NRCAM: variants seen among roughly 807,000 people sequenced by gnomAD.
The protein encoded by NRCAM is neuronal cell adhesion molecule, also known as NgCAM-related cell adhesion molecule.
A neutral mutation model predicts 156.5 loss-of-function variants in NRCAM; 83 were observed. That is an observed-to-expected ratio of 0.53 (90% CI 0.44 to 0.64). The LOEUF (loss-of-function observed/expected upper bound fraction) is 0.64. Among genes scored for constraint, NRCAM ranks in the 30% least tolerant of loss-of-function variants. NRCAM has a pLI of 0.00. For missense variants in NRCAM, 1,417 were observed against 1,597.3 expected (o/e 0.89, Z 1.92); for synonymous variants, 538 against 563.9 (o/e 0.95, Z 0.65).
chr7:108,392,907 G>A (rs2099765184), intron 2 of NRCAM, among the ~76,000 whole-genome samples: 1 of 152,272 alleles, frequency 6.6e-6, no homozygotes, highest in Admixed American at 6.5e-5. Context: ...AAATGTTGCT[G>A]CCTCATCATT....
At chr7:108,448,436 G>A (rs975672602) in intron 1 of NRCAM, among the ~76,000 whole-genome samples, 5 of 152,116 alleles carry the variant, frequency 3.3e-5, no homozygotes, top group African/African-American at 7.2e-5. Flanking sequence ...AGACTATGTC[G>A]AGTCATTTAA....
intron 2 of NRCAM, among the ~76,000 whole-genome samples, chr7:108,331,316 C>T (rs2099124042): frequency 6.6e-6 from 1 of 151,860 alleles, no homozygotes; most frequent in Non-Finnish European, 1.5e-5. Context: ...TAGGAGGATC[C>T]CTTGAGCCCA....
intron 25 of NRCAM, 141 bp from the exon 26 acceptor site, chr7:108,178,253 C>T: frequency 1.3e-6 from 1 of 743,860 alleles, no homozygotes; most frequent in Non-Finnish European, 2.2e-6. Flanking sequence ...TACATTAGTA[C>T]AAACCTGTGA....
chr7:108,233,618 T>C (rs761499457), intron 6 of NRCAM, among the ~76,000 whole-genome samples: 1 of 152,198 alleles, frequency 6.6e-6, no homozygotes, highest in Non-Finnish European at 1.5e-5. Flanking sequence ...TCCATTAACA[T>C]AGCCGAATAT....
chr7:108,180,327 G>C lies in NRCAM; in HGVS notation c.2747C>G (p.Pro916Arg), dbSNP rs377707274. 3.1e-6 allele frequency: 5 copies of C among 1,614,172 alleles called. No individual in the cohort carries two copies. The highest frequency in any genetic ancestry group is 1.7e-6 in the Non-Finnish European group (2 of 1,180,024). The change falls in exon 25 of 33, where the codon CCG becomes CGG. Residue 916 changes from proline (P) to arginine (R), a missense_variant. Physicochemically the swap from Pro to Arg is moderately radical, Grantham distance 103. Transcript: ENST00000379028. ...FQGSKTHGML[P>R]GLEPFSHYTL... ...GTAGTGGCTAAAGGGCTCTAGCCCCGGCAACATGCCATGAGTCTTGCTGCC... is the reference window on the plus strand; with the variant it reads ...GTAGTGGCTAAAGGGCTCTAGCCCCCGCAACATGCCATGAGTCTTGCTGCC...
intron 32 of NRCAM, 125 bp downstream of exon 32, chr7:108,159,338 T>C: frequency 1.2e-6 from 1 of 817,628 alleles, no homozygotes; most frequent in Non-Finnish European, 2.1e-6. Context: ...TACATGGAAG[T>C]ATCCCTAAAC....
At chr7:108,176,897 C>T (rs1321639578) in intron 26 of NRCAM, 8 of 204,100 alleles carry the variant, frequency 3.9e-5, no homozygotes, top group African/African-American at 6.9e-5. Context: ...AATTTTTTCC[C>T]CTGTGTTCTT....
chr7:108,227,758 T>C (rs1336408615), intron 8 of NRCAM, among the ~76,000 whole-genome samples: 1 of 152,212 alleles, frequency 6.6e-6, no homozygotes, highest in Non-Finnish European at 1.5e-5. Context: ...CAGGCCACTA[T>C]GTCTCCTGAC....
intron 1 of NRCAM, among the ~76,000 whole-genome samples, chr7:108,423,767 C>T (rs959138330): frequency 1.3e-5 from 2 of 152,250 alleles, no homozygotes; most frequent in Admixed American, 1.3e-4. Context: ...TCACCAAGAA[C>T]CTGGGTGATA....
At chr7:108,420,861 T>TTG in intron 1 of NRCAM, among the ~76,000 whole-genome samples, 1 of 152,184 alleles carries the variant, frequency 6.6e-6, no homozygotes. Context: ...TTTCAAAATC[T>TTG]TGTGTGTGAG....
Position 108,456,262 on chromosome 7 carries a change from C to G in NRCAM, c.-351G>C, listed in dbSNP as rs1312105610. 1 of 152,410 alleles carries G rather than the reference C, an allele frequency of 6.6e-6. No homozygotes were observed. The highest frequency in any genetic ancestry group is 1.5e-5 in the Non-Finnish European group (1 of 68,268). 9.4% of individuals were successfully genotyped at this position (152,410 alleles called of 1,614,324 possible). A position where few individuals can be genotyped will look rare whatever the true frequency, so the allele number is the denominator to read the frequency against. The stretch of plus-strand genomic sequence containing the variant: ...ACTTACGTTCTCGCGCCGCGCCCTC[C>G]GCTCAGCTCTGGCGCGACTGCCCAG... On this transcript the variant is annotated 5_prime_UTR_variant, in exon 1 of 33. Transcript: ENST00000379028.
chr7:108,390,467 T>C (rs1018120436), intron 2 of NRCAM, among the ~76,000 whole-genome samples: 1 of 152,206 alleles, frequency 6.6e-6, no homozygotes, highest in Non-Finnish European at 1.5e-5. Context: ...CTCTCTTTTC[T>C]TCTTTATTAG....
At chr7:108,369,004 A>G (rs1337789662) in intron 2 of NRCAM, among the ~76,000 whole-genome samples, 1 of 152,210 alleles carries the variant, frequency 6.6e-6, no homozygotes, top group Non-Finnish European at 1.5e-5. Flanking sequence ...TAAAAGTACC[A>G]AGAAGAAAAT....
rs148043232 is a variant in NRCAM at position 108,253,641 on chromosome 7, G to T, written c.-106-13471C>A. On this transcript the variant is annotated intron_variant, in intron 3 of 32. Transcript: ENST00000379028. ...TGCCAAGCTGGGTAAGTGAGTTAAAGAACTTTTCTTTCAAAAGGATTATCA... is the reference window on the plus strand; with the variant it reads ...TGCCAAGCTGGGTAAGTGAGTTAAATAACTTTTCTTTCAAAAGGATTATCA... Among the ~76,000 whole-genome samples, 156 of 152,344 alleles carry T rather than the reference G, an allele frequency of 1.0e-3. 1 individual carries two copies. Among genetic ancestry groups the T allele is most frequent in the African/African-American group, 3.5e-3 (145 of 41,586 alleles).
chr7:108,247,807 C>T (rs1203081442), intron 3 of NRCAM, among the ~76,000 whole-genome samples: 1 of 152,224 alleles, frequency 6.6e-6, no homozygotes, highest in East Asian at 1.9e-4. Context: ...AGCTTCTATT[C>T]TTCTCACTCT....
At chr7:108,351,913 C>G (rs2154295101) in intron 2 of NRCAM, among the ~76,000 whole-genome samples, 1 of 152,298 alleles carries the variant, frequency 6.6e-6, no homozygotes, top group South Asian at 2.1e-4. Context: ...TCATCCATAG[C>G]AAGGCTACTA....
At chr7:108,187,840 A>G (rs1324156289) in intron 20 of NRCAM, among the ~76,000 whole-genome samples, 1 of 152,120 alleles carries the variant, frequency 6.6e-6, no homozygotes, top group African/African-American at 2.4e-5. Flanking sequence ...CTGTAGTCCC[A>G]GCTACTCGGG....
chr7:108,245,193 C>A (rs75284428), intron 3 of NRCAM, among the ~76,000 whole-genome samples: 1 of 152,102 alleles, frequency 6.6e-6, no homozygotes, highest in Admixed American at 6.6e-5. Context: ...AGCTCCAGTT[C>A]CGGAAGGTTC....
intron 1 of NRCAM, among the ~76,000 whole-genome samples, chr7:108,401,410 G>A (rs2099792285): frequency 6.6e-6 from 1 of 151,864 alleles, no homozygotes; most frequent in Non-Finnish European, 1.5e-5. Context: ...GTGTGGTGGT[G>A]CGCACCTGTG....
Sources: allele counts gnomAD v4.1 joint callset (sites outside exome capture counted in the v4.1 genomes callset), GRCh38; gene constraint gnomAD v4.1.1; transcripts MANE v1.5; gene names NCBI Gene and HGNC (gene_info 2026-07-23, HGNC 2026-07-21).